MBNL1: variants seen among roughly 807,000 people sequenced by gnomAD.
MBNL1 encodes the protein muscleblind like splicing regulator 1.
MBNL1 carries 8 observed loss-of-function variants against 42.2 expected under a neutral mutation model. The observed-to-expected ratio is 0.19, with a 90% CI of 0.11 to 0.34. The LOEUF (loss-of-function observed/expected upper bound fraction) is 0.34, where lower values mean the gene tolerates loss of function less well. MBNL1 is among the 10% of genes least tolerant of loss of function. The pLI, the probability that MBNL1 is intolerant of heterozygous loss-of-function variation, is 1.00. For synonymous variants in MBNL1, 169 were observed against 173.9 expected (o/e 0.97, Z 0.22); for missense variants, 309 against 495.3 (o/e 0.62, Z 3.57).
intron 2 of MBNL1, among the ~76,000 whole-genome samples, chr3:152,369,743 G>A (rs752212533): frequency 6.6e-6 from 1 of 152,130 alleles, no homozygotes; most frequent in Non-Finnish European, 1.5e-5. Context: ...TCTTGGGAGG[G>A]TGTATGTGTC....
At chr3:152,327,816 T>G (rs1285087011) in intron 2 of MBNL1, among the ~76,000 whole-genome samples, 24 of 150,568 alleles carry the variant, frequency 1.6e-4, no homozygotes, top group Non-Finnish European at 5.9e-5. Context: ...TATAGTAGCA[T>G]TTTTTTTTAT....
chr3:152,362,586 T>G (rs948685389), intron 2 of MBNL1, among the ~76,000 whole-genome samples: 2 of 152,138 alleles, frequency 1.3e-5, no homozygotes, highest in Non-Finnish European at 2.9e-5. Context: ...ACCCGATAAA[T>G]ATTTGTTGTA....
rs530406159 is a variant in MBNL1, at chr3:152,454,586, A to T, written c.962-956A>T. Among the ~76,000 whole-genome samples the T allele has an allele frequency of 1.4e-3, 220 of 152,342 alleles. 1 individual carries two copies. Among genetic ancestry groups the T allele is most frequent in the Non-Finnish European group, 9.4e-4 (64 of 68,026 alleles). ...TATTTACATGTCAAAGAGAACAAGGACTATCTATATATGCAACATTTATTT... is the reference window on the plus strand; with the variant it reads ...TATTTACATGTCAAAGAGAACAAGGTCTATCTATATATGCAACATTTATTT... On this transcript the variant is annotated intron_variant, in intron 6 of 9. Transcript: ENST00000324210.
chr3:152,391,821 A>G (rs111257366), intron 2 of MBNL1, among the ~76,000 whole-genome samples: 2,419 of 152,308 alleles, frequency 0.016, 55 homozygotes, highest in African/African-American at 0.055. Flanking sequence ...AGTACATTCA[A>G]TTGCCTCTGG....
chr3:152,458,243 A>C lies in MBNL1; in HGVS notation c.1093-1028A>C, dbSNP rs771815108. The C allele has an allele frequency of 2.0e-6, 3 of 1,530,282 alleles. No homozygotes were observed. The South Asian group carries it at 3.4e-5, about 17-fold the overall frequency. The allele number at this position is 1,530,282 out of a possible 1,614,324, so 94.8% of individuals were successfully genotyped here. A position where few individuals can be genotyped will look rare whatever the true frequency, so the allele number is the denominator to read the frequency against. On this transcript the variant is annotated intron_variant, in intron 8 of 9. Coordinates refer to ENST00000324210, the MANE Select transcript of MBNL1 (RefSeq NM_021038.5). The stretch of plus-strand genomic sequence containing the variant: ...GAGCACATTTTCGTGCCATTTGCCA[A>C]TGCTGTAAAATTGTGTAAAAATGTC...
intron 2 of MBNL1, among the ~76,000 whole-genome samples, chr3:152,389,150 G>A (rs528306204): frequency 2.6e-5 from 4 of 152,044 alleles, no homozygotes; most frequent in East Asian, 1.9e-4. Flanking sequence ...GTGCAGTGGC[G>A]TGATCTCGGC....
chr3:152,250,095 G>A (rs1164735073), intron 2 of MBNL1, among the ~76,000 whole-genome samples: 12 of 152,170 alleles, frequency 7.9e-5, no homozygotes, highest in African/African-American at 9.6e-5. Context: ...TTTACTTGGC[G>A]ATGCGGGCTC....
chr3:152,254,145 G>A (rs1268588884), intron 2 of MBNL1, among the ~76,000 whole-genome samples: 1 of 151,956 alleles, frequency 6.6e-6, no homozygotes, highest in Non-Finnish European at 1.5e-5. Flanking sequence ...TGTCTTCAAG[G>A]GGCCAGTACT....
intron 1 of MBNL1, among the ~76,000 whole-genome samples, chr3:152,277,438 C>T (rs2045900024): frequency 6.6e-6 from 1 of 152,102 alleles, no homozygotes; most frequent in Non-Finnish European, 1.5e-5. Context: ...GCCATGTGCT[C>T]AATGTGGCTG....
At chr3:152,274,145 C>T (rs188771687) in intron 1 of MBNL1, among the ~76,000 whole-genome samples, 2 of 152,182 alleles carry the variant, frequency 1.3e-5, no homozygotes, top group East Asian at 1.9e-4. Context: ...TTTTTTCCTA[C>T]GTTTTCACTT....
At chr3:152,431,437 CTATAAG>C (rs2099005748) in intron 3 of MBNL1, among the ~76,000 whole-genome samples, 1 of 152,118 alleles carries the variant, frequency 6.6e-6, no homozygotes, top group Non-Finnish European at 1.5e-5. Context: ...TTCTTTTGTA[CTATAAG>C]AATTACATTT....
At chr3:152,380,132 C>A (rs1232751409) in intron 2 of MBNL1, among the ~76,000 whole-genome samples, 1 of 152,066 alleles carries the variant, frequency 6.6e-6, no homozygotes, top group Non-Finnish European at 1.5e-5. Flanking sequence ...CTATTCGTCA[C>A]TTACTGTTAG....
At chr3:152,249,418 T>C (rs2034023386) in intron 2 of MBNL1, among the ~76,000 whole-genome samples, 1 of 120,434 alleles carries the variant, frequency 8.3e-6, no homozygotes, top group Non-Finnish European at 1.9e-5. Flanking sequence ...AATGTCTTCT[T>C]TTGAGAAGTG....
chr3:152,264,218 G>A (rs1410416397), upstream of MBNL1: 2 of 152,172 alleles, frequency 1.3e-5, no homozygotes, highest in African/African-American at 2.4e-5. Context: ...TGATTTATCT[G>A]TGCTGTTCAT....
chr3:152,293,499 A>G (rs1276775167), intron 1 of MBNL1, among the ~76,000 whole-genome samples: 1 of 152,220 alleles, frequency 6.6e-6, no homozygotes, highest in East Asian at 1.9e-4. Context: ...TGCATTGCTA[A>G]TTATGGACTT....
intron 2 of MBNL1, among the ~76,000 whole-genome samples, chr3:152,389,721 A>C (rs544134492): frequency 6.6e-6 from 1 of 152,158 alleles, no homozygotes; most frequent in East Asian, 1.9e-4. Flanking sequence ...GCAGGACTGG[A>C]AGTTGTTCTG....
intron 2 of MBNL1, among the ~76,000 whole-genome samples, chr3:152,354,498 T>C (rs1315594264): frequency 6.6e-6 from 1 of 152,164 alleles, no homozygotes; most frequent in African/African-American, 2.4e-5. Flanking sequence ...TCATACAGAT[T>C]AATGAAAGAA....
rs549964377 is a variant in MBNL1 at position 152,459,302 on chromosome 3, G to A, written c.1124G>A (p.Ser375Asn). The change falls in exon 9 of 10, where the codon AGC (serine) becomes AAC (asparagine). Residue 375 changes from serine to asparagine, a missense_variant. Physicochemically the swap from Ser to Asn is conservative, Grantham distance 46. Coordinates refer to ENST00000324210, the MANE Select transcript of MBNL1 (RefSeq NM_021038.5). ...IPIISAEHLTSHKYVTQM is the reference protein window; with the variant it reads ...IPIISAEHLTNHKYVTQM ...ATAATATCTGCCGAACATCTGACTAGCCACAAGTATGTTACCCAGATGTAG... is the reference window on the plus strand; with the variant it reads ...ATAATATCTGCCGAACATCTGACTAACCACAAGTATGTTACCCAGATGTAG... 3.8e-6 allele frequency: 6 copies of A among 1,581,520 alleles called. No homozygotes were observed. The South Asian group carries it at 5.8e-5, about 15-fold the overall frequency.
At chr3:152,453,043 A>C (rs1726582194) in intron 6 of MBNL1, among the ~76,000 whole-genome samples, 1 of 151,430 alleles carries the variant, frequency 6.6e-6, no homozygotes, top group African/African-American at 2.4e-5. Flanking sequence ...TATATTAATA[A>C]ATTACTTATA....
Sources: allele counts gnomAD v4.1 joint callset (sites outside exome capture counted in the v4.1 genomes callset), GRCh38; gene constraint gnomAD v4.1.1; transcripts MANE v1.5; gene names NCBI Gene and HGNC (gene_info 2026-07-23, HGNC 2026-07-21).